Variants in GALNT17 observed in about 807,000 individuals in gnomAD.
GALNT17 encodes polypeptide N-acetylgalactosaminyltransferase 17.
In GALNT17, 29 loss-of-function variants were observed where a neutral mutation model predicts 63.7. That is an observed-to-expected ratio of 0.46 (90% CI 0.34 to 0.62). The LOEUF is 0.62. Among genes scored for constraint, GALNT17 ranks in the 20% least tolerant of loss-of-function variants. The pLI, the probability that GALNT17 is intolerant of heterozygous loss-of-function variation, is 0.01. For synonymous variants in GALNT17, 305 were observed against 318.3 expected, an observed-to-expected ratio of 0.96 and a Z score of 0.45; for missense variants, 603 against 799.6, an observed-to-expected ratio of 0.75 and a Z score of 2.97.
chr7:71,462,781 A>G (rs1224597981), intron 5 of GALNT17, among the ~76,000 whole-genome samples: 6 of 152,196 alleles, frequency 3.9e-5, no homozygotes, highest in Non-Finnish European at 8.8e-5. Context: ...ATATGCATCT[A>G]TCTCAGTGAG....
chr7:71,402,864 CGA>C (rs1422646721), intron 3 of GALNT17, among the ~76,000 whole-genome samples: 5 of 152,056 alleles, frequency 3.3e-5, no homozygotes, highest in Non-Finnish European at 7.4e-5. Flanking sequence ...GTGAAATAGC[CGA>C]GAGACAACTT....
chr7:71,498,701 G>T (rs1159911987), intron 5 of GALNT17, among the ~76,000 whole-genome samples: 1 of 152,136 alleles, frequency 6.6e-6, no homozygotes, highest in Non-Finnish European at 1.5e-5. Context: ...GAATATGACT[G>T]GGGACTGGGG....
At chr7:71,547,156 C>CTTATTATTA (rs566358604) in intron 5 of GALNT17, among the ~76,000 whole-genome samples, 1 of 148,928 alleles carries the variant, frequency 6.7e-6, no homozygotes, top group Admixed American at 6.7e-5. Context: ...CACACCCAGT[C>CTTATTATTA]TTATTATTAT....
At chr7:71,398,268 T>C (rs1162933222) in intron 3 of GALNT17, among the ~76,000 whole-genome samples, 3 of 152,100 alleles carry the variant, frequency 2.0e-5, no homozygotes, top group Non-Finnish European at 4.4e-5. Flanking sequence ...GCCTCCTAAA[T>C]TGAACCTCTA....
chr7:71,698,370 T>C (rs531797464), intron 9 of GALNT17, among the ~76,000 whole-genome samples: 9 of 152,278 alleles, frequency 5.9e-5, no homozygotes, highest in African/African-American at 1.7e-4. Context: ...CATAAATCTA[T>C]GCAAACATTT....
chr7:71,699,047 CTGTAA>C (rs1447824456), intron 9 of GALNT17, among the ~76,000 whole-genome samples: 4 of 151,720 alleles, frequency 2.6e-5, no homozygotes, highest in African/African-American at 9.7e-5. Context: ...CAGCGTGTGC[CTGTAA>C]TCCCACCTAC....
At chr7:71,648,068 C>T (rs113550812) in intron 6 of GALNT17, among the ~76,000 whole-genome samples, 66 of 152,346 alleles carry the variant, frequency 4.3e-4, no homozygotes, top group African/African-American at 1.5e-3. Context: ...CAACCTGCCC[C>T]TCCCATGGGC....
Position 71,132,751 on chromosome 7 carries a change from G to T in GALNT17, c.-52G>T. 2 of 1,486,790 alleles carry T rather than the reference G, an allele frequency of 1.3e-6. No homozygotes were observed. The highest frequency in any genetic ancestry group is 4.3e-5 in the Admixed American group (2 of 46,980). 92.1% of individuals were successfully genotyped at this position (1,486,790 alleles called of 1,614,324 possible). A position where few individuals can be genotyped will look rare whatever the true frequency, so the allele number is the denominator to read the frequency against. On this transcript the variant is annotated 5_prime_UTR_variant, in exon 1 of 11. Coordinates refer to ENST00000333538, the MANE Select transcript of GALNT17 (RefSeq NM_022479.3). ...ACGGCCCCTGGCTGCCCCGCGCCTC[G>T]CCGGAGCCCGAGGGGGCGCAGGTCC...
chr7:71,324,865 C>T (rs1032824718), intron 1 of GALNT17, among the ~76,000 whole-genome samples: 1 of 151,908 alleles, frequency 6.6e-6, no homozygotes, highest in Non-Finnish European at 1.5e-5. Flanking sequence ...TATTATAGTG[C>T]TTTGTGTCTA....
chr7:71,568,744 C>T (rs1286290839), intron 5 of GALNT17, among the ~76,000 whole-genome samples: 1 of 152,058 alleles, frequency 6.6e-6, no homozygotes, highest in Non-Finnish European at 1.5e-5. Flanking sequence ...AGTCTGGAAA[C>T]AGAGGCAAAA....
intron 9 of GALNT17, among the ~76,000 whole-genome samples, chr7:71,705,460 C>T (rs766221505): frequency 1.2e-4 from 19 of 152,020 alleles, no homozygotes; most frequent in Non-Finnish European, 1.9e-4. Context: ...TTGGCAGTTC[C>T]GTAGAAAGTT....
chr7:71,194,160 C>G (rs1389985588), intron 1 of GALNT17, among the ~76,000 whole-genome samples: 1 of 152,146 alleles, frequency 6.6e-6, no homozygotes, highest in Non-Finnish European at 1.5e-5. Flanking sequence ...ATCCTCCCAC[C>G]TCAGCCTCCT....
At chr7:71,258,241 A>C (rs1790322818) in intron 1 of GALNT17, among the ~76,000 whole-genome samples, 1 of 152,228 alleles carries the variant, frequency 6.6e-6, no homozygotes, top group Admixed American at 6.5e-5. Flanking sequence ...CTGTGTCAAC[A>C]AGAAGCATTT....
chr7:71,529,303 A>T (rs1244184046), intron 5 of GALNT17, among the ~76,000 whole-genome samples: 1 of 146,566 alleles, frequency 6.8e-6, no homozygotes, highest in East Asian at 2.2e-4. Flanking sequence ...TCTTCAAGGG[A>T]TGGGGGGGCA....
At chr7:71,709,354 G>A (rs1791759938) in intron 9 of GALNT17, among the ~76,000 whole-genome samples, 3 of 152,178 alleles carry the variant, frequency 2.0e-5, no homozygotes, top group South Asian at 2.1e-4. Flanking sequence ...CCACTTGTAT[G>A]TCTTCTAGTG....
chr7:71,177,603 A>G (rs954385205), intron 1 of GALNT17, among the ~76,000 whole-genome samples: 1 of 152,136 alleles, frequency 6.6e-6, no homozygotes, highest in African/African-American at 2.4e-5. Context: ...AATGTTAGGT[A>G]GAGTTGGACA....
intron 8 of GALNT17, among the ~76,000 whole-genome samples, 195 bp from the exon 9 acceptor site, chr7:71,677,016 C>T (rs1215145999): frequency 6.6e-6 from 1 of 152,146 alleles, no homozygotes; most frequent in Non-Finnish European, 1.5e-5. Context: ...GACCTAGCAT[C>T]CATGCCATCC....
chr7:71,614,922 A>T (rs1790179159), intron 6 of GALNT17, among the ~76,000 whole-genome samples: 1 of 151,742 alleles, frequency 6.6e-6, no homozygotes, highest in African/African-American at 2.4e-5. Flanking sequence ...GGAGGGAAAT[A>T]AGCAAAAAAA....
intron 1 of GALNT17, among the ~76,000 whole-genome samples, chr7:71,153,743 C>T (rs1212354980): frequency 6.6e-6 from 1 of 151,868 alleles, no homozygotes; most frequent in African/African-American, 2.4e-5. Context: ...ATGGTGAAAC[C>T]CAGTCTCTAC....
Sources: allele counts gnomAD v4.1 joint callset (sites outside exome capture counted in the v4.1 genomes callset), GRCh38; gene constraint gnomAD v4.1.1; transcripts MANE v1.5; gene names NCBI Gene and HGNC (gene_info 2026-07-23, HGNC 2026-07-21).